The following DEPTOR variants were observed in gnomAD, a reference collection of about 807,000 sequenced individuals.
DEPTOR encodes DEP domain containing MTOR interacting protein, also known as DEP domain-containing mTOR-interacting protein.
A neutral mutation model predicts 41.6 loss-of-function variants in DEPTOR; 41 were observed. The observed-to-expected ratio is 0.98, with a 90% CI of 0.77 to 1.28. DEPTOR has a LOEUF of 1.28. Among genes scored for constraint, DEPTOR ranks in the 50% most tolerant of loss-of-function variants. The pLI, the probability that DEPTOR is intolerant of heterozygous loss-of-function variation, is 0.00. For synonymous variants in DEPTOR, 195 were observed against 192.3 expected (o/e 1.01, Z -0.12); for missense variants, 514 against 527.9 (o/e 0.97, Z 0.26).
chr8:119,874,037 C>A, intron 1 of DEPTOR, 69 bp downstream of exon 1: 2 of 1,589,422 alleles, frequency 1.3e-6, no homozygotes, highest in Non-Finnish European at 1.7e-6. Context: ...CAGTCCTGCG[C>A]GCACGCGCTC....
chr8:119,929,991 A>T (rs1442747983), intron 3 of DEPTOR, 53 bp downstream of exon 3: 1 of 1,579,752 alleles, frequency 6.3e-7, no homozygotes, highest in East Asian at 2.3e-5. Context: ...AAAGAAGCAG[A>T]ACTGTGCCAG....
chr8:119,892,631 G>A (rs937412882), intron 1 of DEPTOR, among the ~76,000 whole-genome samples: 5 of 152,198 alleles, frequency 3.3e-5, no homozygotes, highest in Non-Finnish European at 7.3e-5. Context: ...AAAGAGAGAA[G>A]CTCCAGTTAA....
chr8:119,956,816 C>T (rs1828424906), intron 3 of DEPTOR, among the ~76,000 whole-genome samples: 1 of 140,842 alleles, frequency 7.1e-6, no homozygotes, highest in Non-Finnish European at 1.5e-5. Flanking sequence ...CTCACTGTAA[C>T]GTCTGCCTCC....
chr8:119,883,468 CGT>C (rs1827324968), intron 1 of DEPTOR, among the ~76,000 whole-genome samples: 1 of 80,418 alleles, frequency 1.2e-5, no homozygotes, highest in African/African-American at 4.5e-5. Context: ...GAGCGAGACT[CGT>C]CTTAAAAAAA....
chr8:119,946,432 GT>G (rs56272621), intron 3 of DEPTOR, among the ~76,000 whole-genome samples: 15,627 of 140,376 alleles, frequency 0.11, 825 homozygotes, highest in South Asian at 0.23. Context: ...ATAGTGTTTG[GT>G]TTTTTTTTTT....
intron 1 of DEPTOR, among the ~76,000 whole-genome samples, chr8:119,918,140 C>T (rs368327385): frequency 5.9e-5 from 9 of 152,056 alleles, no homozygotes; most frequent in Admixed American, 3.3e-4. Context: ...TGCTGAACGC[C>T]GGTCTCCTGG....
chr8:120,031,582 A>G (rs947323930), intron 8 of DEPTOR, among the ~76,000 whole-genome samples: 3 of 152,026 alleles, frequency 2.0e-5, no homozygotes, highest in African/African-American at 7.2e-5. Context: ...AGCTGACTGC[A>G]CCCCATGCTT....
intron 8 of DEPTOR, among the ~76,000 whole-genome samples, chr8:120,029,554 C>A (rs973968170): frequency 3.9e-5 from 6 of 152,042 alleles, no homozygotes; most frequent in African/African-American, 1.4e-4. Flanking sequence ...CACCACCATG[C>A]CTGGCTAATT....
chr8:120,032,104 A>G (rs1180282617), intron 8 of DEPTOR, among the ~76,000 whole-genome samples: 1 of 151,990 alleles, frequency 6.6e-6, no homozygotes, highest in Non-Finnish European at 1.5e-5. Flanking sequence ...TAGCCTCTGT[A>G]TTAATAACTT....
At chr8:119,936,465 C>CA (rs1338251501) in intron 3 of DEPTOR, among the ~76,000 whole-genome samples, 10 of 152,192 alleles carry the variant, frequency 6.6e-5, no homozygotes, top group Admixed American at 6.6e-5. Flanking sequence ...TTAGAGCCCA[C>CA]AAACCATCAT....
chr8:119,895,589 C>G (rs1827510243), intron 1 of DEPTOR, among the ~76,000 whole-genome samples: 1 of 152,162 alleles, frequency 6.6e-6, no homozygotes, highest in African/African-American at 2.4e-5. Context: ...GTATTTTGAA[C>G]TCAGGCACAG....
intron 8 of DEPTOR, among the ~76,000 whole-genome samples, chr8:120,030,768 A>T (rs1274509593): frequency 2.6e-5 from 4 of 151,666 alleles, no homozygotes. Flanking sequence ...TGCTGGGATT[A>T]CCGGTGTAAG....
rs143798322 is a variant in DEPTOR at position 119,943,276 on chromosome 8, C to G, written c.425+13338C>G. Among the ~76,000 whole-genome samples the G allele has an allele frequency of 3.5e-4, 53 of 152,256 alleles. 1 individual carries two copies. The highest frequency in any genetic ancestry group is 1.2e-3 in the African/African-American group (51 of 41,566). Reference sequence around the variant, plus strand: ...TTAGTCCATTCTCACACCGCTGTAACGAACTGCCAGAGATTGGGTAATTTA... The same window carrying G: ...TTAGTCCATTCTCACACCGCTGTAAGGAACTGCCAGAGATTGGGTAATTTA... On this transcript the variant is annotated intron_variant, in intron 3 of 8. Transcript: ENST00000286234.
At chr8:119,901,790 G>A (rs1827594935) in intron 1 of DEPTOR, among the ~76,000 whole-genome samples, 1 of 151,978 alleles carries the variant, frequency 6.6e-6, no homozygotes, top group Non-Finnish European at 1.5e-5. Context: ...AGGTCATACT[G>A]TTAGCCTTTG....
rs908921468 is a variant in DEPTOR, at chr8:119,940,049, C to G, written c.425+10111C>G. On this transcript the variant is annotated intron_variant, in intron 3 of 8. Transcript: ENST00000286234. ...CCTGACCAACATGGAGAAACTCTGT[C>G]CCTACTAAAAATTCAAAATTATCCA... 1.4e-4 allele frequency among the ~76,000 whole-genome samples: 21 copies of G among 151,754 alleles called. 1 individual carries two copies. The highest frequency in any genetic ancestry group is 4.8e-4 in the African/African-American group (20 of 41,338).
intron 3 of DEPTOR, among the ~76,000 whole-genome samples, chr8:119,936,113 G>A (rs1828109891): frequency 6.7e-6 from 1 of 150,200 alleles, no homozygotes; most frequent in African/African-American, 2.4e-5. Context: ...ACCTGATGAA[G>A]AATTGGCTTA....
Position 119,929,561 on chromosome 8 carries a change from TATGATG to T in DEPTOR, c.302-231_302-226del, listed in dbSNP as rs3834882. On this transcript the variant is annotated intron_variant, in intron 2 of 8. Coordinates refer to ENST00000286234, the MANE Select transcript of DEPTOR (RefSeq NM_022783.4). ...AATTGAATTGTGTGAACTTCCTAAATATGATGATGATGATGATGATGATGATGACTA... is the reference window on the plus strand; with the variant it reads ...AATTGAATTGTGTGAACTTCCTAAATATGATGATGATGATGATGATGACTA... Among the ~76,000 whole-genome samples, 468 of 151,526 alleles carry T rather than the reference TATGATG, an allele frequency of 3.1e-3. 15 individuals carry two copies. The highest frequency in any genetic ancestry group is 0.024 in the Admixed American group (358 of 15,182).
chr8:119,928,258 T>C (rs1827987779), intron 1 of DEPTOR, 142 bp from the exon 2 acceptor site: 1 of 854,040 alleles, frequency 1.2e-6, no homozygotes. Flanking sequence ...TCTGACAGTA[T>C]GGAAATCACC....
intron 3 of DEPTOR, among the ~76,000 whole-genome samples, chr8:119,930,852 G>T (rs780997618): frequency 6.6e-6 from 1 of 152,132 alleles, no homozygotes; most frequent in African/African-American, 2.4e-5. Flanking sequence ...AGAAAAAGGG[G>T]TGCAGAAGCA....
Sources: allele counts gnomAD v4.1 joint callset (sites outside exome capture counted in the v4.1 genomes callset), GRCh38; gene constraint gnomAD v4.1.1; transcripts MANE v1.5; gene names NCBI Gene and HGNC (gene_info 2026-07-23, HGNC 2026-07-21).